Variants in SLC25A48 observed in about 807,000 individuals in gnomAD.
SLC25A48 encodes solute carrier family 25 member 48.
In SLC25A48, 29 loss-of-function variants were observed where a neutral mutation model predicts 32.2. The ratio of observed to expected loss-of-function variants is 0.90; its 90% CI spans 0.67 to 1.23. The LOEUF (loss-of-function observed/expected upper bound fraction) is 1.23. SLC25A48 is among the 50% of genes most tolerant of loss of function. The pLI is 0.00. For synonymous variants in SLC25A48, 164 were observed against 172.3 expected (o/e 0.95, Z 0.38); for missense variants, 399 against 422.7 (o/e 0.94, Z 0.49).
At chr5:135,800,693 G>A (rs1273216314) in intron 3 of SLC25A48, among the ~76,000 whole-genome samples, 1 of 151,862 alleles carries the variant, frequency 6.6e-6, no homozygotes, top group Non-Finnish European at 1.5e-5. Flanking sequence ...ACACCCCCCT[G>A]GGATAGGGTT....
At chr5:135,684,811 G>A (rs1753979265) in intron 3 of SLC25A48, among the ~76,000 whole-genome samples, 1 of 152,130 alleles carries the variant, frequency 6.6e-6, no homozygotes, top group African/African-American at 2.4e-5. Context: ...CCATTGTGTG[G>A]GTATAGCATA....
At chr5:135,603,241 C>T (rs887591188) in intron 1 of SLC25A48, among the ~76,000 whole-genome samples, 1 of 152,226 alleles carries the variant, frequency 6.6e-6, no homozygotes, top group Admixed American at 6.5e-5. Flanking sequence ...CCTCTAGGCT[C>T]CTGAGGCCAT....
In SLC25A48 at chr5:135,888,422, T is replaced by G; in HGVS notation, c.*398T>G. On this transcript the variant is annotated 3_prime_UTR_variant, in exon 8 of 8. Transcript: ENST00000681962. ...CTCAGCCACTCCCTCCAGTCTCAAG[T>G]AACACGTCCCCGTGCCTCCAGTCTC... 4.1e-6 allele frequency: 1 copy of G among 242,892 alleles called. No homozygotes were observed. Among genetic ancestry groups the G allele is most frequent in the Admixed American group, 4.8e-5 (1 of 20,980 alleles). The allele number at this position is 242,892 out of a possible 1,614,324, so 15.0% of individuals were successfully genotyped here. A position where few individuals can be genotyped will look rare whatever the true frequency, so the allele number is the denominator to read the frequency against.
chr5:135,664,362 A>G (rs1753473116), intron 3 of SLC25A48, among the ~76,000 whole-genome samples: 1 of 152,138 alleles, frequency 6.6e-6, no homozygotes, highest in Non-Finnish European at 1.5e-5. Context: ...TCTCTAGCCC[A>G]AACATGTCTG....
chr5:135,776,954 A>T (rs980489516), intron 3 of SLC25A48, among the ~76,000 whole-genome samples: 10 of 151,866 alleles, frequency 6.6e-5, no homozygotes, highest in Non-Finnish European at 7.4e-5. Context: ...ATTGTTCCTA[A>T]TATTCAGGAG....
At chr5:135,727,638 C>A (rs1755119813) in intron 3 of SLC25A48, among the ~76,000 whole-genome samples, 1 of 151,822 alleles carries the variant, frequency 6.6e-6, no homozygotes, top group African/African-American at 2.4e-5. Flanking sequence ...GTCAATTGTT[C>A]CAACATCATT....
At chr5:135,885,623 C>T (rs1762687457) in intron 7 of SLC25A48, among the ~76,000 whole-genome samples, 2 of 152,200 alleles carry the variant, frequency 1.3e-5, no homozygotes, top group Admixed American at 1.3e-4. Context: ...TGGCCTGTGC[C>T]CCCCTTCAGA....
intron 3 of SLC25A48, among the ~76,000 whole-genome samples, chr5:135,796,676 G>A (rs1757189752): frequency 1.3e-5 from 2 of 151,754 alleles, no homozygotes; most frequent in African/African-American, 4.8e-5. Context: ...CCCGGGGGGT[G>A]TACATTTTTC....
At chr5:135,832,794 G>A (rs1425431140), upstream of SLC25A48, among the ~76,000 whole-genome samples, 1 of 152,218 alleles carries the variant, frequency 6.6e-6, no homozygotes, top group Non-Finnish European at 1.5e-5. Context: ...CTGCTACTGA[G>A]GAAAGTGCTC....
intron 3 of SLC25A48, among the ~76,000 whole-genome samples, chr5:135,677,736 T>C (rs546491646): frequency 5.4e-4 from 83 of 152,304 alleles, no homozygotes; most frequent in African/African-American, 2.0e-3. Context: ...CAGCATTTGC[T>C]TATCTGGGAA....
At chr5:135,627,184 G>A (rs566154960) in intron 1 of SLC25A48, among the ~76,000 whole-genome samples, 1 of 152,152 alleles carries the variant, frequency 6.6e-6, no homozygotes, top group Non-Finnish European at 1.5e-5. Context: ...CTGACTGCTC[G>A]AGCTAACATT....
Position 135,779,882 on chromosome 5 carries a change from G to T in SLC25A48, c.-520-32641G>T, listed in dbSNP as rs1308348225. 2.7e-4 allele frequency among the ~76,000 whole-genome samples: 31 copies of T among 115,422 alleles called. 12 individuals carry two copies. Among genetic ancestry groups the T allele is most frequent in the Non-Finnish European group, 6.2e-4 (29 of 46,916 alleles). The allele number at this position is 115,422 out of a possible 152,430, so 75.7% of individuals were successfully genotyped here. On this transcript the variant is annotated intron_variant, in intron 3 of 10. Coordinates refer to the SLC25A48 transcript ENST00000646290. Reference sequence around the variant, plus strand: ...GGAAGGGGGAGGAGAGAGTGATATTGCTCTTAGTATTTCAGGGATGTACAC... The same window carrying T: ...GGAAGGGGGAGGAGAGAGTGATATTTCTCTTAGTATTTCAGGGATGTACAC...
intron 4 of SLC25A48, among the ~76,000 whole-genome samples, chr5:135,870,841 C>T (rs893129714): frequency 1.3e-5 from 2 of 151,664 alleles, no homozygotes; most frequent in African/African-American, 2.4e-5. Context: ...GCTGCCTTGC[C>T]AAGGTAAATT....
chr5:135,593,284 T>C (rs776631652), intron 1 of SLC25A48, among the ~76,000 whole-genome samples: 43 of 152,300 alleles, frequency 2.8e-4, no homozygotes, highest in Non-Finnish European at 5.7e-4. Context: ...GCTATGTGCA[T>C]GGCAGGGCCA....
intron 3 of SLC25A48, among the ~76,000 whole-genome samples, chr5:135,675,462 C>G (rs1753746181): frequency 6.6e-6 from 1 of 151,948 alleles, no homozygotes. Context: ...AAGAGGGTGT[C>G]CTTTCACCAG....
At position 135,642,425 on chromosome 5, in the gene SLC25A48, C is replaced by T. The variant is rs558613081; in HGVS notation, c.-521+7469C>T. The stretch of plus-strand genomic sequence containing the variant: ...CAGGACTGCCCTGTCAGGGACAGCC[C>T]CTGCCTGGTGGGCAGGACCAAAACC... On this transcript the variant is annotated intron_variant, in intron 3 of 10. Coordinates refer to the SLC25A48 transcript ENST00000646290. 2.5e-4 allele frequency among the ~76,000 whole-genome samples: 38 copies of T among 152,332 alleles called. No individual in the cohort carries two copies. In the South Asian group the frequency reaches 7.5e-3, roughly 30 times the overall value.
chr5:135,618,937 A>AT (rs1031692275), intron 1 of SLC25A48, among the ~76,000 whole-genome samples: 5 of 148,436 alleles, frequency 3.4e-5, no homozygotes, highest in Admixed American at 1.3e-4. Flanking sequence ...TCTGTCTTTG[A>AT]TTTTCAACAG....
intron 4 of SLC25A48, among the ~76,000 whole-genome samples, chr5:135,829,187 C>T (rs536914685): frequency 6.6e-6 from 1 of 152,344 alleles, no homozygotes; most frequent in East Asian, 1.9e-4. Context: ...TGTCAGCACT[C>T]AAACTCCTCT....
At chr5:135,731,165 A>T (rs1268461265) in intron 3 of SLC25A48, among the ~76,000 whole-genome samples, 4 of 151,992 alleles carry the variant, frequency 2.6e-5, no homozygotes, top group African/African-American at 9.7e-5. Context: ...AATTACAGTC[A>T]AAGGGGGTTG....
Sources: allele counts gnomAD v4.1 joint callset (sites outside exome capture counted in the v4.1 genomes callset), GRCh38; gene constraint gnomAD v4.1.1; transcripts MANE v1.5; gene names NCBI Gene and HGNC (gene_info 2026-07-23, HGNC 2026-07-21).